The following REV3L variants were observed in gnomAD, a reference collection of about 807,000 sequenced individuals.
REV3L encodes the protein REV3 like, DNA directed polymerase zeta catalytic subunit.
REV3L carries 69 observed loss-of-function variants against 299.4 expected under a neutral mutation model. That is an observed-to-expected ratio of 0.23 (90% CI 0.19 to 0.28). The LOEUF is 0.28. REV3L is among the 10% of genes least tolerant of loss of function. The probability of loss-of-function intolerance (pLI) is 1.00; values close to 1 mark genes in which losing one functional copy is unlikely to be tolerated. For synonymous variants in REV3L, 1,238 were observed against 1,271.4 expected (o/e 0.97, Z 0.56); for missense variants, 3,128 against 3,693.8 (o/e 0.85, Z 3.97).
At chr6:111,414,365 G>A (rs1451428280) in intron 2 of REV3L, among the ~76,000 whole-genome samples, 1 of 152,108 alleles carries the variant, frequency 6.6e-6, no homozygotes, top group African/African-American at 2.4e-5. Context: ...CAGAGGAACT[G>A]AGAGAAAGTC....
At chr6:111,337,067 A>G (rs1475247811) in intron 21 of REV3L, among the ~76,000 whole-genome samples, 2 of 142,408 alleles carry the variant, frequency 1.4e-5, no homozygotes, top group East Asian at 4.2e-4. Flanking sequence ...GGCAAGAGGT[A>G]GAGGGTGGGG....
chr6:111,372,785 C>G lies in REV3L; in HGVS notation c.5570G>C (p.Arg1857Thr). The stretch of plus-strand genomic sequence containing the variant: ...AGATTGTGAAGGAGAGCTAGTAGAT[C>G]TTGGTGAACTATCAGGAGTTGGTGT... ...MLTPTPDSSP[R>T]STSSPSQSKN... The change falls in exon 13 of 32, where the codon AGA (arginine) becomes ACA (threonine). Residue 1857 changes from arginine to threonine, a missense_variant. By Grantham distance (71) the Arg-to-Thr change is moderately conservative (BLOSUM62 -1). Around this residue, in one of 9 missense-constraint regions of REV3L, gnomAD observed 2,409 missense variants for 2,611.8 expected, o/e 0.92. Coordinates refer to ENST00000368802, the MANE Select transcript of REV3L (RefSeq NM_001372078.1). The G allele has an allele frequency of 6.2e-7, 1 of 1,612,704 alleles. No individual in the cohort carries two copies. The highest frequency in any genetic ancestry group is 8.5e-7 in the Non-Finnish European group (1 of 1,179,370).
chr6:111,422,633 C>T (rs9487637), intron 1 of REV3L, among the ~76,000 whole-genome samples: 208 of 16,902 alleles, frequency 0.012, 15 homozygotes, highest in Non-Finnish European at 0.022. Flanking sequence ...TATATATACA[C>T]ATATATATAT....
chr6:111,469,115 TCA>T (rs2128335261), intron 1 of REV3L, among the ~76,000 whole-genome samples: 1 of 152,222 alleles, frequency 6.6e-6, no homozygotes, highest in Admixed American at 6.5e-5. Flanking sequence ...TGAGCCAAGA[TCA>T]CACCATTGCA....
rs940450514 is a variant in REV3L, at chr6:111,351,556, C to G, written c.7300+120G>C. ...CAATGGAGTTATGCTATATCTAAAA[C>G]TTACACAACTTAGTACTAAAAAATT... On this transcript the variant is annotated intron_variant, in intron 19 of 31. Coordinates refer to ENST00000368802, the MANE Select transcript of REV3L (RefSeq NM_001372078.1). 5 of 590,512 alleles carry G rather than the reference C, an allele frequency of 8.5e-6. No homozygotes were observed. In the African/African-American group the frequency reaches 9.5e-5, roughly 11 times the overall value. The allele number at this position is 590,512 out of a possible 1,614,324, so 36.6% of individuals were successfully genotyped here. A position where few individuals can be genotyped will look rare whatever the true frequency, so the allele number is the denominator to read the frequency against.
chr6:111,306,372 TGTGACAGAGAAGAGCAAGAAATC>T (rs1178600468), intron 31 of REV3L, among the ~76,000 whole-genome samples: 14 of 151,802 alleles, frequency 9.2e-5, no homozygotes, highest in Admixed American at 2.0e-4. Flanking sequence ...CGAGGTAGAG[TGTGACAGAGAAGAGCAAGAAATC>T]GTGACAGAGG....
intron 1 of REV3L, among the ~76,000 whole-genome samples, chr6:111,444,802 G>A (rs1310033136): frequency 6.6e-6 from 1 of 152,078 alleles, no homozygotes; most frequent in Non-Finnish European, 1.5e-5. Flanking sequence ...AAAATGCCAG[G>A]GCTATAATGT....
chr6:111,412,170 C>T (rs1286989645), intron 2 of REV3L: 2 of 985,274 alleles, frequency 2.0e-6, no homozygotes, highest in East Asian at 1.1e-4. Context: ...ACCTGTAACA[C>T]ACAACCATAT....
chr6:111,404,340 C>T (rs896006275), intron 4 of REV3L, among the ~76,000 whole-genome samples: 3 of 152,198 alleles, frequency 2.0e-5, no homozygotes, highest in African/African-American at 7.2e-5. Context: ...TCCTTTCAAA[C>T]TATTTCTGCT....
At chr6:111,457,428 G>C (rs777965698) in intron 1 of REV3L, among the ~76,000 whole-genome samples, 1 of 151,780 alleles carries the variant, frequency 6.6e-6, no homozygotes, top group Non-Finnish European at 1.5e-5. Flanking sequence ...CACAACCCCA[G>C]GCTATATCTC....
chr6:111,424,591 C>T (rs1232605484), intron 1 of REV3L, among the ~76,000 whole-genome samples: 1 of 152,140 alleles, frequency 6.6e-6, no homozygotes, highest in Non-Finnish European at 1.5e-5. Context: ...AAAATCAAAG[C>T]CTTGCATCCA....
chr6:111,329,657 C>T lies in REV3L; in HGVS notation c.8116G>A (p.Ala2706Thr). Residue 2706 changes from alanine to threonine, a missense_variant, in exon 25 of 32, where the codon GCT (alanine) becomes ACT (threonine). Around this residue, in one of 9 missense-constraint regions of REV3L, gnomAD observed 53 missense variants for 57.4 expected, o/e 0.92. Transcript: ENST00000368802. The stretch of plus-strand genomic sequence containing the variant: ...GACAGGGCTCTGTCTTGCTTGTAAG[C>T]CTTCATTGACTGCTTCACCATAAAT... ...TRFMVKQSMKAYKQDRALSRM... is the reference protein window; with the variant it reads ...TRFMVKQSMKTYKQDRALSRM... 6.2e-7 allele frequency: 1 copy of T among 1,614,048 alleles called. No homozygotes were observed. Among genetic ancestry groups the T allele is most frequent in the Non-Finnish European group, 8.5e-7 (1 of 1,180,030 alleles).
chr6:111,341,175 T>C (rs991782995), intron 21 of REV3L, among the ~76,000 whole-genome samples: 1 of 151,790 alleles, frequency 6.6e-6, no homozygotes, highest in Non-Finnish European at 1.5e-5. Flanking sequence ...GCCTCCCGAG[T>C]AGCTGGGATT....
rs187490465 is a variant in REV3L at position 111,393,019 on chromosome 6, T to C, written c.566-47A>G. 34 of 1,344,916 alleles carry C rather than the reference T, an allele frequency of 2.5e-5. No individual in the cohort carries two copies. The East Asian group carries it at 4.7e-4, about 19-fold the overall frequency. 83.3% of individuals were successfully genotyped at this position (1,344,916 alleles called of 1,614,324 possible). ...GAATAAATTCTACTTTCAATTTTCA[T>C]ATAATTACTTTTTAGAAGGTAAATT... On this transcript the variant is annotated intron_variant, in intron 4 of 31. Transcript: ENST00000368802.
At position 111,374,848 on chromosome 6, in the gene REV3L, G is replaced by T; in HGVS notation, c.3507C>A (p.Arg1169=). The part of the protein sequence containing the change: ...TVNSRIGKTS[R]ARAQIKKSKA... ...TTGATTTCTTAATCTGTGCTCTTGCGCGACTAGTTTTTCCTATACGAGAAT... is the reference window on the plus strand; with the variant it reads ...TTGATTTCTTAATCTGTGCTCTTGCTCGACTAGTTTTTCCTATACGAGAAT... Residue 1169 remains arginine, a synonymous_variant, in exon 13 of 32, where the codon CGC becomes CGA. Transcript: ENST00000368802. 1.9e-6 allele frequency: 3 copies of T among 1,613,714 alleles called. No homozygotes were observed. The highest frequency in any genetic ancestry group is 2.5e-6 in the Non-Finnish European group (3 of 1,179,894).
intron 2 of REV3L, chr6:111,412,341 G>T: frequency 1.2e-6 from 1 of 806,656 alleles, no homozygotes; most frequent in Non-Finnish European, 1.5e-6. Context: ...AACAGGAAGA[G>T]AAATCCTCGG....
intron 28 of REV3L, chr6:111,312,277 T>C (rs1773069649): frequency 6.6e-6 from 1 of 151,798 alleles, no homozygotes; most frequent in Admixed American, 6.6e-5. Flanking sequence ...AATCCCAAAT[T>C]CACATAATAT....
At chr6:111,471,673 C>T (rs1351014527) in intron 1 of REV3L, among the ~76,000 whole-genome samples, 1 of 152,182 alleles carries the variant, frequency 6.6e-6, no homozygotes, top group Admixed American at 6.5e-5. Context: ...TTAAGGCTAA[C>T]ATAAGTATAA....
intron 5 of REV3L, chr6:111,392,672 T>C (rs1582820400): frequency 4.7e-6 from 2 of 427,898 alleles, no homozygotes; most frequent in East Asian, 7.0e-5. Flanking sequence ...GTTAATTAGG[T>C]AATAACTAGT....
Sources: gnomAD v4.1 joint callset for allele counts (sites outside exome capture counted in the v4.1 genomes callset) on GRCh38, gnomAD v4.1.1 for gene constraint, gnomAD v4.1.1 regional missense constraint, MANE v1.5 for transcripts, NCBI Gene and HGNC (gene_info 2026-07-23, HGNC 2026-07-21) for gene names.